Variants in PEBP4 observed in about 807,000 individuals in gnomAD.
The protein encoded by PEBP4 is phosphatidylethanolamine-binding protein 4.
In PEBP4, 22 loss-of-function variants were observed where a neutral mutation model predicts 23.9. The ratio of observed to expected loss-of-function variants is 0.92; its 90% confidence interval spans 0.66 to 1.31. The LOEUF (loss-of-function observed/expected upper bound fraction) is 1.31, where lower values mean the gene tolerates loss of function less well. PEBP4 is among the 40% of genes most tolerant of loss of function. The pLI is 0.00. For synonymous variants in PEBP4, 112 were observed against 99.3 expected, an observed-to-expected ratio of 1.13 and a Z score of -0.76; for missense variants, 324 against 281.7, an observed-to-expected ratio of 1.15 and a Z score of -1.07.
Position 22,713,352 on chromosome 8 carries a change from G to A in PEBP4, c.*18C>T, listed in dbSNP as rs751148707. On this transcript the variant is annotated 3_prime_UTR_variant, in exon 7 of 7. Transcript: ENST00000256404. ...GGTGGGCAGTGTGGCCACATGCCCGGATGGCAAAGCCGGCTATCTAGCAGG... is the reference window on the plus strand; with the variant it reads ...GGTGGGCAGTGTGGCCACATGCCCGAATGGCAAAGCCGGCTATCTAGCAGG... The A allele has an allele frequency of 1.3e-6, 2 of 1,563,666 alleles. No individual in the cohort carries two copies. The highest frequency in any genetic ancestry group is 2.7e-5 in the African/African-American group (2 of 73,578).
intron 6 of PEBP4, among the ~76,000 whole-genome samples, chr8:22,716,373 G>C (rs934983091): frequency 6.6e-6 from 1 of 152,312 alleles, no homozygotes; most frequent in Non-Finnish European, 1.5e-5. Flanking sequence ...GTTCCAGATG[G>C]GGGCCAAGGG....
chr8:22,816,122 A>C (rs929921841), intron 4 of PEBP4, among the ~76,000 whole-genome samples: 4 of 152,178 alleles, frequency 2.6e-5, no homozygotes, highest in Non-Finnish European at 5.9e-5. Flanking sequence ...GGGAGATGCC[A>C]GTTCTTTCTC....
chr8:22,824,849 T>C (rs1438030682), intron 3 of PEBP4, among the ~76,000 whole-genome samples: 1 of 152,060 alleles, frequency 6.6e-6, no homozygotes, highest in Non-Finnish European at 1.5e-5. Flanking sequence ...TGGCTGTAAA[T>C]ATGGATAAAG....
intron 3 of PEBP4, among the ~76,000 whole-genome samples, chr8:22,827,258 C>A (rs1378398200): frequency 1.3e-5 from 2 of 151,904 alleles, no homozygotes. Context: ...ATATAATAAA[C>A]TTCACCCATT....
intron 6 of PEBP4, among the ~76,000 whole-genome samples, chr8:22,722,477 G>A (rs1324066463): frequency 3.9e-5 from 6 of 152,260 alleles, no homozygotes; most frequent in South Asian, 2.1e-4. Context: ...GCTGGAGAGA[G>A]CACAGTGTTC....
intron 3 of PEBP4, among the ~76,000 whole-genome samples, chr8:22,916,659 C>T (rs1250299824): frequency 6.6e-6 from 1 of 152,150 alleles, no homozygotes; most frequent in Non-Finnish European, 1.5e-5. Flanking sequence ...TTCATTCATT[C>T]ATTCATTCAT....
chr8:22,867,739 G>T (rs1807934799), intron 3 of PEBP4, among the ~76,000 whole-genome samples: 1 of 152,176 alleles, frequency 6.6e-6, no homozygotes, highest in African/African-American at 2.4e-5. Context: ...AAATAGAGGG[G>T]CCTTTGCTCA....
chr8:22,898,188 T>C (rs1808628333), intron 3 of PEBP4, among the ~76,000 whole-genome samples: 2 of 151,532 alleles, frequency 1.3e-5, no homozygotes, highest in Admixed American at 1.3e-4. Flanking sequence ...GGCCAGGAGT[T>C]TGAGACCGGC....
chr8:22,742,361 C>T (rs540114435), intron 4 of PEBP4, among the ~76,000 whole-genome samples: 9 of 152,350 alleles, frequency 5.9e-5, no homozygotes, highest in African/African-American at 2.2e-4. Context: ...GGGCTCCAAC[C>T]TATTACCAGT....
At chr8:22,841,745 G>T (rs895710930) in intron 3 of PEBP4, among the ~76,000 whole-genome samples, 4 of 152,234 alleles carry the variant, frequency 2.6e-5, no homozygotes, top group Non-Finnish European at 5.9e-5. Context: ...GCTTGGAAAA[G>T]GATAAGAATG....
chr8:22,716,575 G>T (rs1804423909), intron 6 of PEBP4, among the ~76,000 whole-genome samples: 2 of 152,224 alleles, frequency 1.3e-5, no homozygotes, highest in Non-Finnish European at 2.9e-5. Flanking sequence ...CCTGGGGCAG[G>T]TCTTGACAGT....
chr8:22,838,551 C>T (rs999229281), intron 3 of PEBP4, among the ~76,000 whole-genome samples: 2 of 152,260 alleles, frequency 1.3e-5, no homozygotes, highest in African/African-American at 2.4e-5. Flanking sequence ...GCAGACCTGA[C>T]GCTCCCTCCC....
At chr8:22,925,528 G>A (rs1809308043) in intron 2 of PEBP4, among the ~76,000 whole-genome samples, 1 of 152,228 alleles carries the variant, frequency 6.6e-6, no homozygotes, top group African/African-American at 2.4e-5. Flanking sequence ...GACAGTGAAA[G>A]GAGTCAAGGA....
chr8:22,731,667 A>ATTTC (rs1563197287), intron 4 of PEBP4, among the ~76,000 whole-genome samples: 1 of 149,946 alleles, frequency 6.7e-6, no homozygotes, highest in African/African-American at 2.5e-5. Context: ...TTATTTATTT[A>ATTTC]TTTATTTTTG....
chr8:22,748,414 G>T (rs1316314616), intron 4 of PEBP4, among the ~76,000 whole-genome samples: 1 of 151,970 alleles, frequency 6.6e-6, no homozygotes, highest in Non-Finnish European at 1.5e-5. Flanking sequence ...CTGGGTCACA[G>T]AACCCGCCTG....
upstream of PEBP4, among the ~76,000 whole-genome samples, chr8:22,932,162 C>T (rs1389971730): frequency 4.6e-5 from 7 of 152,102 alleles, 1 homozygote. Flanking sequence ...TTGTATGATT[C>T]CATTTATATG....
At chr8:22,877,392 G>A (rs1168674656) in intron 3 of PEBP4, among the ~76,000 whole-genome samples, 1 of 152,126 alleles carries the variant, frequency 6.6e-6, no homozygotes, top group Non-Finnish European at 1.5e-5. Context: ...AGGTCCTTGG[G>A]ACTTTTGTGC....
intron 3 of PEBP4, among the ~76,000 whole-genome samples, chr8:22,856,171 C>G (rs1296484566): frequency 1.3e-5 from 2 of 151,062 alleles, no homozygotes; most frequent in Non-Finnish European, 2.9e-5. Flanking sequence ...TCTGACCAAT[C>G]AGTAAGAAAA....
chr8:22,808,792 G>A (rs1266590296), intron 4 of PEBP4, among the ~76,000 whole-genome samples: 1 of 152,224 alleles, frequency 6.6e-6, no homozygotes, highest in African/African-American at 2.4e-5. Context: ...TTCCAACTGG[G>A]CAGCAGAAAA....
Sources: gnomAD v4.1 joint callset for allele counts (sites outside exome capture counted in the v4.1 genomes callset) on GRCh38, gnomAD v4.1.1 for gene constraint, MANE v1.5 for transcripts, NCBI Gene and HGNC (gene_info 2026-07-23, HGNC 2026-07-21) for gene names.